The following TMOD1 variants were observed in gnomAD, a reference collection of about 807,000 sequenced individuals.
TMOD1 encodes the protein tropomodulin-1.
A neutral mutation model predicts 40.6 loss-of-function variants in TMOD1; 17 were observed. The ratio of observed to expected loss-of-function variants is 0.42; its 90% confidence interval spans 0.29 to 0.63. The LOEUF (loss-of-function observed/expected upper bound fraction) is 0.63, where lower values mean the gene tolerates loss of function less well. Ranked by LOEUF, TMOD1 falls within the 20% of genes least tolerant of loss-of-function variation. TMOD1 has a pLI of 0.22. For missense variants in TMOD1, 391 were observed against 447.6 expected (o/e 0.87, Z 1.14); for synonymous variants, 181 against 175.0 (o/e 1.03, Z -0.27).
At chr9:97,553,670 C>T (rs1830487246) in intron 4 of TMOD1, among the ~76,000 whole-genome samples, 3 of 152,146 alleles carry the variant, frequency 2.0e-5, no homozygotes, top group Admixed American at 2.0e-4. Context: ...TCAGGGAGAG[C>T]CCACAGACGC....
chr9:97,547,684 C>T (rs1047304746), intron 3 of TMOD1, among the ~76,000 whole-genome samples: 1 of 152,220 alleles, frequency 6.6e-6, no homozygotes, highest in Non-Finnish European at 1.5e-5. Context: ...TCCCTGTCTA[C>T]TCTGTTCAGG....
intron 2 of TMOD1, among the ~76,000 whole-genome samples, chr9:97,530,494 T>G (rs902329228): frequency 8.6e-5 from 13 of 151,802 alleles, no homozygotes; most frequent in Admixed American, 6.6e-4. Flanking sequence ...GAGGAGTTTT[T>G]TTTTTTTTTT....
chr9:97,522,495 G>A (rs1311442010), intron 1 of TMOD1, among the ~76,000 whole-genome samples: 4 of 152,142 alleles, frequency 2.6e-5, no homozygotes, highest in Non-Finnish European at 5.9e-5. Flanking sequence ...AACTTGCAAT[G>A]TGTTGCTAGG....
At chr9:97,532,316 A>C (rs1475211477) in intron 2 of TMOD1, among the ~76,000 whole-genome samples, 1 of 151,556 alleles carries the variant, frequency 6.6e-6, no homozygotes, top group Non-Finnish European at 1.5e-5. Flanking sequence ...ACCCATGACC[A>C]CCTCTCCCAA....
intron 2 of TMOD1, among the ~76,000 whole-genome samples, chr9:97,539,034 C>A (rs1458091554): frequency 1.3e-5 from 2 of 151,794 alleles, no homozygotes; most frequent in African/African-American, 4.8e-5. Flanking sequence ...ACAAAACAAA[C>A]AAACAAACAA....
chr9:97,540,452 C>G (rs1331720505), intron 2 of TMOD1, among the ~76,000 whole-genome samples: 1 of 152,224 alleles, frequency 6.6e-6, no homozygotes, highest in Non-Finnish European at 1.5e-5. Context: ...CCTCATTTGA[C>G]TTTAATGATC....
chr9:97,553,180 G>A, intron 3 of TMOD1, 101 bp from the exon 4 acceptor site: 3 of 1,540,842 alleles, frequency 1.9e-6, no homozygotes, highest in Non-Finnish European at 2.7e-6. Context: ...TCAGCATGGA[G>A]GGACCCACAG....
chr9:97,559,797 ATAT>A (rs1830601553), intron 4 of TMOD1, among the ~76,000 whole-genome samples: 2 of 57,304 alleles, frequency 3.5e-5, no homozygotes, highest in Non-Finnish European at 6.6e-5. Flanking sequence ...AAAAAAAAAT[ATAT>A]ATATATATAT....
intron 9 of TMOD1, among the ~76,000 whole-genome samples, chr9:97,593,026 A>G (rs1826033549): frequency 6.6e-6 from 1 of 152,244 alleles, no homozygotes; most frequent in Non-Finnish European, 1.5e-5. Context: ...ATGGTTGGAG[A>G]AGGCCAGCAG....
rs199776167 is a variant in TMOD1, at chr9:97,517,331, TG to T, written c.-48-6805del. On this transcript the variant is annotated intron_variant, in intron 1 of 9. Coordinates refer to ENST00000259365, the MANE Select transcript of TMOD1 (RefSeq NM_003275.4). Reference sequence around the variant, plus strand: ...TATCACTACACTCCAGCGTGGGTGATGGGGGAAAAAAAAAAAAGTTTAAAAT... The same window carrying T: ...TATCACTACACTCCAGCGTGGGTGATGGGGAAAAAAAAAAAAGTTTAAAAT... 2.4e-3 allele frequency among the ~76,000 whole-genome samples: 352 copies of T among 145,200 alleles called. 1 individual carries two copies. The highest frequency in any genetic ancestry group is 2.9e-3 in the Non-Finnish European group (193 of 65,840).
rs1446367969 is a variant in TMOD1 at position 97,600,344 on chromosome 9, A to G, written c.*646A>G. Reference sequence around the variant, plus strand: ...GGAAAAAAACCAATGGTGAAATTTCAAGTTTCAAAAACCAACCTTTCATTA... The same window carrying G: ...GGAAAAAAACCAATGGTGAAATTTCGAGTTTCAAAAACCAACCTTTCATTA... On this transcript the variant is annotated 3_prime_UTR_variant, in exon 10 of 10. Coordinates refer to ENST00000259365, the MANE Select transcript of TMOD1 (RefSeq NM_003275.4). 8 of 986,176 alleles carry G rather than the reference A, an allele frequency of 8.1e-6. No homozygotes were observed. The highest frequency in any genetic ancestry group is 7.2e-6 in the Non-Finnish European group (6 of 830,206). 61.1% of individuals were successfully genotyped at this position (986,176 alleles called of 1,614,324 possible). A position where few individuals can be genotyped will look rare whatever the true frequency, so the allele number is the denominator to read the frequency against.
intron 2 of TMOD1, among the ~76,000 whole-genome samples, chr9:97,532,016 C>T (rs1266255860): frequency 2.6e-5 from 4 of 152,200 alleles, no homozygotes; most frequent in Non-Finnish European, 5.9e-5. Context: ...ATCCTCCCTA[C>T]TTGTGCCCCA....
At position 97,601,193 on chromosome 9, in the gene TMOD1, T is replaced by C. The variant is rs557511252; in HGVS notation, c.*1495T>C. 935 of 1,297,428 alleles carry C rather than the reference T, an allele frequency of 7.2e-4. No homozygotes were observed. Among genetic ancestry groups the C allele is most frequent in the Non-Finnish European group, 8.7e-4 (860 of 984,868 alleles). 80.4% of individuals were successfully genotyped at this position (1,297,428 alleles called of 1,614,324 possible). On this transcript the variant is annotated 3_prime_UTR_variant, in exon 10 of 10. Coordinates refer to ENST00000259365, the MANE Select transcript of TMOD1 (RefSeq NM_003275.4). ...CATTTGGCTTCTCCTTAAAACACAA[T>C]TGCAGCTGCATTCTGCATCGCTGAA...
chr9:97,559,815 A>ATGTC (rs1830605467), intron 4 of TMOD1, among the ~76,000 whole-genome samples: 1 of 53,146 alleles, frequency 1.9e-5, no homozygotes, highest in African/African-American at 8.2e-5. Flanking sequence ...ATATATATAT[A>ATGTC]TATATATATG....
intron 8 of TMOD1, among the ~76,000 whole-genome samples, chr9:97,583,538 G>A (rs1248783476): frequency 1.3e-5 from 2 of 148,866 alleles, no homozygotes; most frequent in Non-Finnish European, 3.0e-5. Context: ...GGAGGATTCC[G>A]TCTTTTTCTA....
chr9:97,579,173 G>A (rs1825683893), intron 8 of TMOD1, among the ~76,000 whole-genome samples: 1 of 152,176 alleles, frequency 6.6e-6, no homozygotes, highest in Non-Finnish European at 1.5e-5. Flanking sequence ...GGTGAACTCA[G>A]AATACCTGGG....
intron 2 of TMOD1, among the ~76,000 whole-genome samples, chr9:97,528,033 A>G (rs1830043648): frequency 6.6e-6 from 1 of 152,186 alleles, no homozygotes; most frequent in Non-Finnish European, 1.5e-5. Context: ...TCCACCAGCA[A>G]CTGCATTCTG....
chr9:97,503,445 A>G (rs1458779580), intron 1 of TMOD1, among the ~76,000 whole-genome samples: 1 of 152,232 alleles, frequency 6.6e-6, no homozygotes, highest in East Asian at 1.9e-4. Context: ...AAAAAGAATT[A>G]ACGGGAAATG....
intron 8 of TMOD1, among the ~76,000 whole-genome samples, chr9:97,575,712 C>T (rs1256997036): frequency 6.6e-6 from 1 of 152,186 alleles, no homozygotes; most frequent in African/African-American, 2.4e-5. Context: ...GTTCCTGTTG[C>T]GTCTGGCCAG....
Sources: gnomAD v4.1 joint callset for allele counts (sites outside exome capture counted in the v4.1 genomes callset) on GRCh38, gnomAD v4.1.1 for gene constraint, MANE v1.5 for transcripts, NCBI Gene and HGNC (gene_info 2026-07-23, HGNC 2026-07-21) for gene names.